EPB41L1: variants seen among roughly 807,000 people sequenced by gnomAD.
EPB41L1 encodes the protein band 4.1-like protein 1.
A neutral mutation model predicts 97.8 loss-of-function variants in EPB41L1; 29 were observed. The observed-to-expected ratio is 0.30, with a 90% confidence interval of 0.22 to 0.40. The LOEUF is 0.40. Among genes scored for constraint, EPB41L1 ranks in the 10% least tolerant of loss-of-function variants. The pLI is 1.00. For missense variants in EPB41L1, 812 were observed against 1,162.3 expected, an observed-to-expected ratio of 0.70 and a Z score of 4.38; for synonymous variants, 383 against 459.2, an observed-to-expected ratio of 0.83 and a Z score of 2.12.
upstream of EPB41L1, among the ~76,000 whole-genome samples, chr20:36,153,665 C>T (rs73902983): frequency 3.0e-3 from 459 of 152,252 alleles, 1 homozygote; most frequent in Non-Finnish European, 4.1e-3. Flanking sequence ...GAGATAGGAA[C>T]GTCCAGCCCT....
intron 14 of EPB41L1, chr20:36,200,842 C>G (rs1400435954): frequency 4.4e-6 from 2 of 455,768 alleles, no homozygotes; most frequent in South Asian, 3.1e-5. Flanking sequence ...TCCCTCTTTC[C>G]CTTTCCTCTG....
chr20:36,149,058 G>A (rs1467008121), intron 2 of EPB41L1, among the ~76,000 whole-genome samples: 2 of 152,210 alleles, frequency 1.3e-5, no homozygotes, highest in African/African-American at 4.8e-5. Flanking sequence ...AGGTGCAGAA[G>A]GGAGCTTGGA....
Position 36,209,961 on chromosome 20 carries a change from C to T in EPB41L1, c.2079+63C>T. 1 of 1,584,166 alleles carries T rather than the reference C, an allele frequency of 6.3e-7. No homozygotes were observed. The highest frequency in any genetic ancestry group is 1.1e-5 in the South Asian group (1 of 87,668). ...CACCGCATGCTCAGAGGGCCCTGGG[C>T]CACCCGTGAGAAGACCGAGCACCCA... is the stretch of plus-strand genomic sequence containing the variant. On this transcript the variant is annotated intron_variant, in intron 15 of 21. Transcript: ENST00000338074. The surrounding 1 kb of genome is among the most constrained non-coding windows in gnomAD (Gnocchi z 4.2).
intron 1 of EPB41L1, among the ~76,000 whole-genome samples, chr20:36,171,438 T>G (rs1485700613): frequency 6.6e-6 from 1 of 152,134 alleles, no homozygotes; most frequent in Non-Finnish European, 1.5e-5. Context: ...GTGGAAAGCA[T>G]TTCTGGGTGG....
intron 1 of EPB41L1, among the ~76,000 whole-genome samples, chr20:36,161,696 A>T (rs2145659197): frequency 6.6e-6 from 1 of 151,996 alleles, no homozygotes; most frequent in African/African-American, 2.4e-5. Flanking sequence ...GCTGGTCTCG[A>T]ACTCCTGACC....
At chr20:36,124,913 A>G (rs988685588) in intron 2 of EPB41L1, among the ~76,000 whole-genome samples, 1 of 152,124 alleles carries the variant, frequency 6.6e-6, no homozygotes, top group Non-Finnish European at 1.5e-5. Flanking sequence ...CCACTGATAG[A>G]TTGCATACAT....
intron 2 of EPB41L1, among the ~76,000 whole-genome samples, chr20:36,144,450 C>G (rs1474976): frequency 6.6e-6 from 1 of 152,078 alleles, no homozygotes; most frequent in Non-Finnish European, 1.5e-5. Context: ...GCAGCTGAGC[C>G]CTCACCTCCA....
rs745755439 is a variant in EPB41L1, at chr20:36,222,365, T to A, written c.2608T>A (p.Ser870Thr). 1.9e-6 allele frequency: 3 copies of A among 1,613,812 alleles called. No individual in the cohort carries two copies. Among genetic ancestry groups the A allele is most frequent in the Admixed American group, 1.7e-5 (1 of 60,008 alleles). The part of the protein sequence containing the change: ...KAVVYRETDP[S>T]PEERDKKPQE... ...TGTCGTATACAGAGAAACAGACCCATCCCCAGAGGAGAGGGACAAGAAGCC... is the reference window on the plus strand; with the variant it reads ...TGTCGTATACAGAGAAACAGACCCAACCCCAGAGGAGAGGGACAAGAAGCC... The change falls in exon 21 of 22, where the codon TCC becomes ACC. Residue 870 changes from serine to threonine, a missense_variant. Ser to Thr is a moderately conservative substitution (Grantham distance 58). Coordinates refer to ENST00000338074, the MANE Select transcript of EPB41L1 (RefSeq NM_012156.2).
intron 21 of EPB41L1, among the ~76,000 whole-genome samples, chr20:36,225,841 C>A (rs530977572): frequency 2.0e-5 from 3 of 152,286 alleles, no homozygotes; most frequent in Middle Eastern, 3.4e-3. Context: ...TCCTGCCCAC[C>A]CCGCCGCGAT....
At chr20:36,122,265 T>C (rs2058776249) in intron 2 of EPB41L1, among the ~76,000 whole-genome samples, 1 of 152,000 alleles carries the variant, frequency 6.6e-6, no homozygotes, top group Non-Finnish European at 1.5e-5. Flanking sequence ...AGCCTATAGG[T>C]TGAGTGTCCA....
chr20:36,181,521 G>A (rs193054319), intron 5 of EPB41L1, among the ~76,000 whole-genome samples: 7 of 152,150 alleles, frequency 4.6e-5, no homozygotes, highest in Admixed American at 4.6e-4. Flanking sequence ...TTTAGGTCTT[G>A]TTTATAATCC....
At chr20:36,153,687 C>T (rs1423265605), upstream of EPB41L1, among the ~76,000 whole-genome samples, 1 of 152,148 alleles carries the variant, frequency 6.6e-6, no homozygotes, top group Non-Finnish European at 1.5e-5. Flanking sequence ...TCGTCATTTG[C>T]AAATGAGGCC....
At chr20:36,213,411 A>G (rs1370958479) in intron 16 of EPB41L1, among the ~76,000 whole-genome samples, 2 of 152,150 alleles carry the variant, frequency 1.3e-5, no homozygotes, top group African/African-American at 4.8e-5. Flanking sequence ...AGAGAAAGAG[A>G]AAACTGAAAT....
chr20:36,189,135 A>G (rs1022971763), intron 9 of EPB41L1, among the ~76,000 whole-genome samples: 1 of 152,124 alleles, frequency 6.6e-6, no homozygotes, highest in Non-Finnish European at 1.5e-5. Context: ...TTGTACCTGT[A>G]GAATAAACAT....
At chr20:36,222,550 G>A (rs2063844504) in intron 21 of EPB41L1, among the ~76,000 whole-genome samples, 156 bp downstream of exon 21, 1 of 152,196 alleles carries the variant, frequency 6.6e-6, no homozygotes, top group South Asian at 2.1e-4. Context: ...TCAAAGGAGA[G>A]AGGCACCTCC....
At chr20:36,171,963 T>C (rs1282272607) in intron 1 of EPB41L1, among the ~76,000 whole-genome samples, 1 of 152,222 alleles carries the variant, frequency 6.6e-6, no homozygotes, top group African/African-American at 2.4e-5. Context: ...CAAAGCTTTT[T>C]TTTGAGGATC....
intron 2 of EPB41L1, among the ~76,000 whole-genome samples, 164 bp downstream of exon 2, chr20:36,174,118 T>C (rs2061117418): frequency 6.6e-6 from 1 of 152,158 alleles, no homozygotes; most frequent in Non-Finnish European, 1.5e-5. Context: ...GTTGTTATTT[T>C]ATTTTCTTTT....
intron 14 of EPB41L1, among the ~76,000 whole-genome samples, chr20:36,204,305 A>T (rs2062667647): frequency 1.3e-5 from 2 of 151,986 alleles, no homozygotes; most frequent in South Asian, 4.2e-4. Context: ...GACTTGCATT[A>T]AAATTTTGTG....
chr20:36,113,236 C>T (rs942340438), intron 2 of EPB41L1, among the ~76,000 whole-genome samples: 2 of 152,190 alleles, frequency 1.3e-5, no homozygotes, highest in Non-Finnish European at 2.9e-5. Flanking sequence ...AGAGGGAACT[C>T]AGCCAATGGA....
Sources: allele counts gnomAD v4.1 joint callset (sites outside exome capture counted in the v4.1 genomes callset), GRCh38; gene constraint gnomAD v4.1.1; non-coding constraint Gnocchi (gnomAD v3.1); transcripts MANE v1.5; gene names NCBI Gene and HGNC (gene_info 2026-07-23, HGNC 2026-07-21).